The following MAP4K4 variants were observed in gnomAD, a reference collection of about 807,000 sequenced individuals.
The protein encoded by MAP4K4 is HPK/GCK-like kinase HGK.
MAP4K4 carries 38 observed loss-of-function variants against 189.6 expected under a neutral mutation model. The ratio of observed to expected loss-of-function variants is 0.20; its 90% CI spans 0.15 to 0.26. The LOEUF (loss-of-function observed/expected upper bound fraction) is 0.26, where lower values mean the gene tolerates loss of function less well. Ranked by LOEUF, MAP4K4 falls within the 10% of genes least tolerant of loss-of-function variation. The probability of loss-of-function intolerance (pLI) is 1.00; values close to 1 mark genes in which losing one functional copy is unlikely to be tolerated. For synonymous variants in MAP4K4, 610 were observed against 624.3 expected, an observed-to-expected ratio of 0.98 and a Z score of 0.34; for missense variants, 1,054 against 1,726.9, an observed-to-expected ratio of 0.61 and a Z score of 6.91.
intron 6 of MAP4K4, among the ~76,000 whole-genome samples, chr2:101,830,277 C>G (rs765494877): frequency 6.6e-6 from 1 of 152,174 alleles, no homozygotes; most frequent in Non-Finnish European, 1.5e-5. Flanking sequence ...TACCCAGCAT[C>G]TAGCATTGTG....
chr2:101,754,341 G>GGTTT (rs2071022634), intron 2 of MAP4K4, among the ~76,000 whole-genome samples: 1 of 85,836 alleles, frequency 1.2e-5, no homozygotes, highest in African/African-American at 4.6e-5. Flanking sequence ...CTTTTTTGCT[G>GGTTT]TTTTTTTTTT....
At chr2:101,785,687 T>TTTTC (rs1558913270) in intron 2 of MAP4K4, among the ~76,000 whole-genome samples, 21 of 2,016 alleles carry the variant, frequency 0.01, no homozygotes, top group South Asian at 0.019. Context: ...CCTCTCTCTC[T>TTTTC]CTCTCTCTCT....
At chr2:101,741,358 C>T (rs895969642) in intron 2 of MAP4K4, among the ~76,000 whole-genome samples, 3 of 151,610 alleles carry the variant, frequency 2.0e-5, no homozygotes, top group South Asian at 2.1e-4. Flanking sequence ...TTAGTAGAGA[C>T]GGGGTTTCAC....
At chr2:101,805,291 G>T (rs890368194) in intron 3 of MAP4K4, among the ~76,000 whole-genome samples, 2 of 152,062 alleles carry the variant, frequency 1.3e-5, no homozygotes, top group Non-Finnish European at 2.9e-5. Context: ...CCATGCAAGG[G>T]TGACACTGTC....
intron 2 of MAP4K4, among the ~76,000 whole-genome samples, chr2:101,747,977 C>A (rs895527076): frequency 2.6e-5 from 4 of 152,108 alleles, no homozygotes; most frequent in African/African-American, 9.7e-5. Context: ...AGTGAAGGGT[C>A]GAGCTCTTTT....
chr2:101,803,261 G>GTGTGTGTGTA (rs764726761), intron 3 of MAP4K4, among the ~76,000 whole-genome samples: 2 of 149,192 alleles, frequency 1.3e-5, no homozygotes, highest in African/African-American at 2.5e-5. Flanking sequence ...GTGTGTGTGT[G>GTGTGTGTGTA]TGTATGTATG....
At chr2:101,796,944 C>G (rs1490229806) in intron 3 of MAP4K4, among the ~76,000 whole-genome samples, 3 of 152,222 alleles carry the variant, frequency 2.0e-5, no homozygotes, top group Admixed American at 2.0e-4. Context: ...AAGAGCCATA[C>G]AAGAAGCTAA....
chr2:101,883,786 G>A (rs558196059), intron 28 of MAP4K4, among the ~76,000 whole-genome samples: 1 of 152,126 alleles, frequency 6.6e-6, no homozygotes, highest in South Asian at 2.1e-4. Context: ...GCATTGTCTT[G>A]TTGGTGTAGT....
intron 2 of MAP4K4, among the ~76,000 whole-genome samples, chr2:101,751,024 T>TA (rs1053241003): frequency 2.8e-4 from 43 of 152,318 alleles, no homozygotes; most frequent in African/African-American, 1.0e-3. Flanking sequence ...ACAACACTGA[T>TA]ACCTGCCACT....
At chr2:101,894,152 C>T (rs1047438717) in exon 33 of MAP4K4, 4 of 152,698 alleles carry the variant, frequency 2.6e-5, no homozygotes, top group African/African-American at 9.7e-5. Context: ...ACAGAAGTGC[C>T]AATATGGCAA....
intron 10 of MAP4K4, among the ~76,000 whole-genome samples, chr2:101,841,633 T>A (rs1295477518): frequency 4.6e-5 from 7 of 152,000 alleles, no homozygotes; most frequent in Non-Finnish European, 7.4e-5. Flanking sequence ...CACACCCGGC[T>A]GGTTTTTGTA....
At position 101,785,126 on chromosome 2, in the gene MAP4K4, G is replaced by A. The variant is rs143153331; in HGVS notation, c.124-5594G>A. On this transcript the variant is annotated intron_variant, in intron 2 of 32. Transcript: ENST00000324219. ...TGTGCACCCCTCTGGGCTATTTAGG[G>A]ACGAAGGCATTTGTTATTCCTAACT... Among the ~76,000 whole-genome samples the A allele has an allele frequency of 4.5e-3, 680 of 152,286 alleles. 5 individuals carry two copies. Among genetic ancestry groups the A allele is most frequent in the African/African-American group, 0.015 (640 of 41,544 alleles).
intron 2 of MAP4K4, among the ~76,000 whole-genome samples, chr2:101,704,567 A>ATATATATATTTTTTTT (rs2041127435): frequency 4.3e-5 from 1 of 23,398 alleles, no homozygotes; most frequent in African/African-American, 3.2e-4. Context: ...ATATATATAT[A>ATATATATATTTTTTTT]TTTTTTTTTT....
chr2:101,840,585 G>C (rs934769961), intron 10 of MAP4K4, among the ~76,000 whole-genome samples: 1 of 152,128 alleles, frequency 6.6e-6, no homozygotes, highest in Non-Finnish European at 1.5e-5. Flanking sequence ...AATGTTCTCC[G>C]TTTTCCTTCT....
rs2095848351 is a variant in MAP4K4 at position 101,818,435 on chromosome 2, A to AGG, written c.181-5492_181-5491dup. Among the ~76,000 whole-genome samples, 4 of 152,074 alleles carry AGG rather than the reference A, an allele frequency of 2.6e-5. No homozygotes were observed. The South Asian group carries it at 8.3e-4, about 32-fold the overall frequency. ...CTGTAAAGAGGGTATGCCAGGTGAAAGGCTTCATTTCACCTGGCAAATGCT... is the reference window on the plus strand; with the variant it reads ...CTGTAAAGAGGGTATGCCAGGTGAAAGGGGCTTCATTTCACCTGGCAAATGCT... On this transcript the variant is annotated intron_variant, in intron 3 of 32. Coordinates refer to ENST00000324219, the Ensembl canonical transcript of MAP4K4.
intron 12 of MAP4K4, 80 bp downstream of exon 12, chr2:101,844,391 A>AT: frequency 2.3e-5 from 26 of 1,138,824 alleles, no homozygotes; most frequent in Middle Eastern, 2.1e-4. Flanking sequence ...TCAGAGGAAT[A>AT]TCCTCTGTAG....
At chr2:101,792,624 C>CCTCCTCCTTCTT (rs1553473266) in intron 3 of MAP4K4, among the ~76,000 whole-genome samples, 1 of 149,634 alleles carries the variant, frequency 6.7e-6, no homozygotes, top group Non-Finnish European at 1.5e-5. Context: ...TCCTCCTCCT[C>CCTCCTCCTTCTT]CTCCTTCTTC....
chr2:101,869,843 A>G (rs1559272334), intron 22 of MAP4K4, 46 bp downstream of exon 22: 2 of 1,472,230 alleles, frequency 1.4e-6, no homozygotes, highest in Non-Finnish European at 1.8e-6. Context: ...ATTCTCTCAG[A>G]GCCTGCTTTC....
intron 2 of MAP4K4, among the ~76,000 whole-genome samples, chr2:101,778,798 A>G (rs1388389300): frequency 1.3e-5 from 2 of 152,080 alleles, no homozygotes; most frequent in Non-Finnish European, 2.9e-5. Context: ...GTGGGGTGGA[A>G]GCAGGTTCTG....
Sources: gnomAD v4.1 joint callset for allele counts (sites outside exome capture counted in the v4.1 genomes callset) on GRCh38, gnomAD v4.1.1 for gene constraint, MANE v1.5 for transcripts, NCBI Gene and HGNC (gene_info 2026-07-23, HGNC 2026-07-21) for gene names.